Variants in IL13RA2 observed in about 807,000 individuals in gnomAD.
IL13RA2 encodes the protein interleukin 13 receptor subunit alpha 2, also known as interleukin-13 receptor subunit alpha-2.
Under a neutral mutation model 34.1 loss-of-function variants are expected in IL13RA2, and 25 were observed. That is an observed-to-expected ratio of 0.73 (90% CI 0.53 to 1.03). The LOEUF (loss-of-function observed/expected upper bound fraction) is 1.03. IL13RA2 is among the 50% of genes least tolerant of loss of function. The pLI is 0.00. For missense variants in IL13RA2, 297 were observed against 280.9 expected, an observed-to-expected ratio of 1.06 and a Z score of -0.41; for synonymous variants, 106 against 100.4, an observed-to-expected ratio of 1.06 and a Z score of -0.33.
chrX:115,015,572 A>C lies in IL13RA2; in HGVS notation c.246+98T>G, dbSNP rs1199279384. The stretch of plus-strand genomic sequence containing the variant: ...GGAAGCTTTTTATATCCTAATTAGA[A>C]CTATTGAGATATGGGAATTGGAGCG... On this transcript the variant is annotated intron_variant, in intron 3 of 9. Transcript: ENST00000243213. 6 of 741,744 alleles carry C rather than the reference A, an allele frequency of 8.1e-6. No homozygotes were observed. The South Asian group carries it at 1.1e-4, about 14-fold the overall frequency. The allele number at this position is 741,744 out of a possible 1,213,427, so 61.1% of individuals were successfully genotyped here.
At chrX:115,014,699 G>A in intron 3 of IL13RA2, 125 bp from the exon 4 acceptor site, 1 of 376,568 alleles carries the variant, frequency 2.7e-6, no homozygotes, top group Non-Finnish European at 4.5e-6. Flanking sequence ...CAATCCTAGA[G>A]ACTATTTGAT....
rs1556509177 is a variant in IL13RA2 at position 115,013,823 on chromosome X, G to A, written c.467C>T (p.Ser156Phe). The change falls in exon 5 of 10, where the codon TCT becomes TTT. Residue 156 changes from serine to phenylalanine, a missense_variant. Physicochemically the swap from Ser to Phe is radical, Grantham distance 155. Transcript: ENST00000243213. Reference protein sequence around the residue: ...VYYNWQYLLCSWKPGIGVLLD... With the variant: ...VYYNWQYLLCFWKPGIGVLLD... ...AAGTACACCTATGCCAGGTTTCCAA[G>A]AACAGAGTAAATATTGCCAATTGTA... 11 of 1,032,733 alleles carry A rather than the reference G, an allele frequency of 1.1e-5. No homozygotes were observed. 85.1% of individuals were successfully genotyped at this position (1,032,733 alleles called of 1,213,427 possible). A position where few individuals can be genotyped will look rare whatever the true frequency, so the allele number is the denominator to read the frequency against.
intron 3 of IL13RA2, among the ~76,000 whole-genome samples, chrX:115,015,442 T>C (rs1602977517): frequency 9.0e-6 from 1 of 111,479 alleles, no homozygotes; most frequent in East Asian, 2.8e-4. Flanking sequence ...GACCGAGTTT[T>C]TTGTTTTTGT....
chrX:115,004,394 C>T (rs782408943), intron 9 of IL13RA2, among the ~76,000 whole-genome samples: 9 of 105,076 alleles, frequency 8.6e-5, no homozygotes, highest in African/African-American at 3.1e-4. Flanking sequence ...GGGACTCCAT[C>T]TCTATAAAAA....
chrX:115,014,742 A>T (rs1476838916), intron 3 of IL13RA2, among the ~76,000 whole-genome samples, 168 bp from the exon 4 acceptor site: 2 of 111,541 alleles, frequency 1.8e-5, no homozygotes, highest in Non-Finnish European at 3.8e-5. Context: ...AGCAGAGCTC[A>T]CCTCTGTATG....
chrX:115,012,465 T>C (rs2071709289), intron 5 of IL13RA2, among the ~76,000 whole-genome samples: 1 of 109,739 alleles, frequency 9.1e-6, no homozygotes, highest in South Asian at 3.8e-4. Context: ...TTACAGGCTA[T>C]AAAAAAAAAT....
chrX:115,008,072 GC>G lies in IL13RA2; in HGVS notation c.856del (p.Ala286LeufsTer10). The G allele has an allele frequency of 8.7e-7, 1 of 1,155,994 alleles. No individual in the cohort carries two copies. Among genetic ancestry groups the G allele is most frequent in the Non-Finnish European group, 1.2e-6 (1 of 847,961 alleles). On this transcript the variant is annotated frameshift_variant, in exon 8 of 10. Coordinates refer to ENST00000243213, the MANE Select transcript of IL13RA2 (RefSeq NM_000640.3). LOFTEE classifies it high-confidence loss of function. ...IREDDTTLVT[A>X]TVENETYTLK... ...GGTGTATGTTTCATTTTCAACTGTAGCAGTCTGAAAGCCAAGGACAAAATCA... is the reference window on the plus strand; with the variant it reads ...GGTGTATGTTTCATTTTCAACTGTAGAGTCTGAAAGCCAAGGACAAAATCA...
Position 115,009,633 on chromosome X carries a change from G to A in IL13RA2, c.740C>T (p.Thr247Ile). 8.3e-7 allele frequency: 1 copy of A among 1,205,868 alleles called. No individual in the cohort carries two copies. The highest frequency in any genetic ancestry group is 1.1e-6 in the Non-Finnish European group (1 of 890,435). ...KPLPPVYLTF[T>I]RESSCEIKLK... Reference sequence around the variant, plus strand: ...CTTAATTTCACATGAACTCTCCCGAGTAAAAGTAAGATAGACTGGCGGCAA... The same window carrying A: ...CTTAATTTCACATGAACTCTCCCGAATAAAAGTAAGATAGACTGGCGGCAA... The change falls in exon 7 of 10, where the codon ACT becomes ATT. Residue 247 changes from threonine (T) to isoleucine (I), a missense_variant. Coordinates refer to ENST00000243213, the MANE Select transcript of IL13RA2 (RefSeq NM_000640.3).
chrX:115,017,276 G>A lies in IL13RA2; in HGVS notation c.-7C>T, dbSNP rs782747352. The A allele has an allele frequency of 1.3e-6, 1 of 797,766 alleles. No homozygotes were observed. Among genetic ancestry groups the A allele is most frequent in the East Asian group, 3.2e-5 (1 of 31,443 alleles). The allele number at this position is 797,766 out of a possible 1,213,427, so 65.7% of individuals were successfully genotyped here. A position where few individuals can be genotyped will look rare whatever the true frequency, so the allele number is the denominator to read the frequency against. ...CCAAGCAAACGAAAGCCATTTCTCC[G>A]AGATTTAAAACCTTGATATTGCCTC... On this transcript the variant is annotated 5_prime_UTR_variant, in exon 2 of 10. Transcript: ENST00000243213.
intron 5 of IL13RA2, among the ~76,000 whole-genome samples, chrX:115,013,152 AAAGGGGAGAGATTGG>A (rs1411459239): frequency 9.0e-6 from 1 of 111,021 alleles, no homozygotes; most frequent in Non-Finnish European, 1.9e-5. Context: ...GAATGAATAA[AAAGGGGAGAGATTGG>A]AAGGGGAGAG....
rs782433805 is a variant in IL13RA2 at position 115,013,900 on chromosome X, A to G, written c.401-11T>C. ...TAGTTTCTGGAATTCCTAAGGAACA[A>G]ATCAACTGTGAATGTTTGAAAGGCT... On this transcript the variant is annotated splice_polypyrimidine_tract_variant and intron_variant, in intron 4 of 9. Coordinates refer to ENST00000243213, the MANE Select transcript of IL13RA2 (RefSeq NM_000640.3). 10 of 1,037,871 alleles carry G rather than the reference A, an allele frequency of 9.6e-6. No homozygotes were observed. The highest frequency in any genetic ancestry group is 1.2e-5 in the Non-Finnish European group (9 of 740,958). 85.5% of individuals were successfully genotyped at this position (1,037,871 alleles called of 1,213,427 possible).
At chrX:115,005,108 T>A in intron 9 of IL13RA2, 89 bp downstream of exon 9, 1 of 540,136 alleles carries the variant, frequency 1.9e-6, no homozygotes, top group Non-Finnish European at 3.3e-6. Context: ...CAAGCAAAAT[T>A]ATAAAATGTA....
chrX:115,012,345 C>A (rs1258760024), intron 5 of IL13RA2, among the ~76,000 whole-genome samples: 1 of 111,112 alleles, frequency 9.0e-6, no homozygotes, highest in Non-Finnish European at 1.9e-5. Flanking sequence ...TGGAGGTAGG[C>A]AAGAGAAATA....
chrX:115,011,632 C>T (rs1445022330), intron 5 of IL13RA2, among the ~76,000 whole-genome samples: 1 of 112,106 alleles, frequency 8.9e-6, no homozygotes, highest in African/African-American at 3.2e-5. Flanking sequence ...CATATCTGGA[C>T]TCTACTAAAT....
At chrX:115,014,331 G>T in intron 4 of IL13RA2, 90 bp downstream of exon 4, 1 of 631,985 alleles carries the variant, frequency 1.6e-6, no homozygotes, top group Non-Finnish European at 2.4e-6. Context: ...GATCTATTGT[G>T]CCTACAGCCT....
At chrX:115,013,566 C>A (rs1263219110) in intron 5 of IL13RA2, among the ~76,000 whole-genome samples, 2 of 111,445 alleles carry the variant, frequency 1.8e-5, no homozygotes, top group African/African-American at 6.5e-5. Flanking sequence ...CCTTATATCA[C>A]CCATAGAATA....
At chrX:115,013,379 A>G (rs782012249) in intron 5 of IL13RA2, among the ~76,000 whole-genome samples, 2 of 111,616 alleles carry the variant, frequency 1.8e-5, no homozygotes, top group Admixed American at 9.5e-5. Flanking sequence ...CACAATGTCC[A>G]AGTTTAAAAG....
chrX:115,004,223 T>C (rs781921129), intron 9 of IL13RA2, 117 bp from the exon 10 acceptor site: 12 of 412,973 alleles, frequency 2.9e-5, no homozygotes, highest in Non-Finnish European at 5.1e-5. Context: ...AAGCATTCTA[T>C]ACACATTCAC....
At chrX:115,015,577 T>G in intron 3 of IL13RA2, 93 bp downstream of exon 3, 55 of 769,860 alleles carry the variant, frequency 7.1e-5, no homozygotes, top group Non-Finnish European at 9.6e-5. Context: ...TTAGAACTAT[T>G]GAGATATGGG....
Sources: allele counts gnomAD v4.1 joint callset (sites outside exome capture counted in the v4.1 genomes callset), GRCh38; gene constraint gnomAD v4.1.1; transcripts MANE v1.5; gene names NCBI Gene and HGNC (gene_info 2026-07-23, HGNC 2026-07-21).